The following DIAPH2 variants were observed in gnomAD, a reference collection of about 807,000 sequenced individuals.
The protein encoded by DIAPH2 is protein diaphanous homolog 2.
A neutral mutation model predicts 92.7 loss-of-function variants in DIAPH2; 35 were observed. That is an observed-to-expected ratio of 0.38 (90% confidence interval 0.29 to 0.50). DIAPH2 has a LOEUF of 0.50. Among genes scored for constraint, DIAPH2 ranks in the 20% least tolerant of loss-of-function variants. The pLI, the probability that DIAPH2 is intolerant of heterozygous loss-of-function variation, is 0.94. For synonymous variants in DIAPH2, 301 were observed against 280.4 expected, an observed-to-expected ratio of 1.07 and a Z score of -0.73; for missense variants, 701 against 819.5, an observed-to-expected ratio of 0.86 and a Z score of 1.77.
intron 21 of DIAPH2, among the ~76,000 whole-genome samples, chrX:97,115,883 G>A (rs773212750): frequency 9.0e-6 from 1 of 111,708 alleles, no homozygotes; most frequent in Non-Finnish European, 1.9e-5. Flanking sequence ...TTAGGCTAGA[G>A]CAAACCACCT....
chrX:97,439,537 T>A (rs1602590675), intron 26 of DIAPH2, among the ~76,000 whole-genome samples: 1 of 107,725 alleles, frequency 9.3e-6, no homozygotes, highest in Admixed American at 1.0e-4. Flanking sequence ...GCCATTGCAC[T>A]CCAGCCTGAG....
intron 17 of DIAPH2, among the ~76,000 whole-genome samples, chrX:97,047,248 A>T (rs773524403): frequency 9.0e-6 from 1 of 111,176 alleles, no homozygotes; most frequent in African/African-American, 3.3e-5. Context: ...TACTTTATAG[A>T]ACGATGACTG....
Position 97,599,295 on chromosome X carries a change from A to G in DIAPH2, c.3284A>G (p.Asn1095Ser), listed in dbSNP as rs1040485800. ...VPLERSRSRH[N>S]GAISSK The stretch of plus-strand genomic sequence containing the variant: ...TTGGAAAGGTCACGCTCTCGCCACA[A>G]TGGAGCTATCTCATCTAAGTGATTC... Residue 1095 changes from asparagine (N) to serine (S), a missense_variant, in exon 27 of 27, where the codon AAT becomes AGT. Coordinates refer to ENST00000324765, the MANE Select transcript of DIAPH2 (RefSeq NM_006729.5). The G allele has an allele frequency of 5.0e-6, 6 of 1,191,309 alleles. No individual in the cohort carries two copies. The highest frequency in any genetic ancestry group is 2.2e-5 in the Admixed American group (1 of 45,428).
chrX:97,292,703 T>C (rs2068604085), intron 23 of DIAPH2, among the ~76,000 whole-genome samples: 2 of 110,231 alleles, frequency 1.8e-5, no homozygotes, highest in South Asian at 4.0e-4. Context: ...TGTGCCACCA[T>C]GCCCGGCTAA....
At chrX:96,933,542 A>G (rs1025336170) in intron 10 of DIAPH2, among the ~76,000 whole-genome samples, 1 of 103,337 alleles carries the variant, frequency 9.7e-6, no homozygotes, top group African/African-American at 3.5e-5. Flanking sequence ...ATATATGTGT[A>G]TATATATATG....
intron 23 of DIAPH2, among the ~76,000 whole-genome samples, chrX:97,339,223 G>T (rs1483376336): frequency 2.7e-5 from 3 of 111,308 alleles, no homozygotes; most frequent in African/African-American, 9.8e-5. Context: ...AGATAAAAAT[G>T]CTTTGTGGGC....
chrX:97,268,414 TTG>T (rs1306099068), intron 23 of DIAPH2, among the ~76,000 whole-genome samples: 1 of 112,917 alleles, frequency 8.9e-6, no homozygotes, highest in Non-Finnish European at 1.9e-5. Flanking sequence ...TGAAGAAGAC[TTG>T]TGTCATCACA....
At chrX:96,958,176 T>A (rs1233008941) in intron 16 of DIAPH2, 28 bp downstream of exon 16, 1 of 1,191,203 alleles carries the variant, frequency 8.4e-7, no homozygotes, top group Non-Finnish European at 1.1e-6. Flanking sequence ...GTTTTTTTAC[T>A]TTGTCTAGCT....
chrX:96,741,602 A>C (rs1019630798), intron 3 of DIAPH2, among the ~76,000 whole-genome samples: 6 of 108,912 alleles, frequency 5.5e-5, no homozygotes, highest in African/African-American at 2.0e-4. Flanking sequence ...TAACCTCCCA[A>C]GTAACTGGGA....
intron 22 of DIAPH2, among the ~76,000 whole-genome samples, chrX:97,178,365 T>C (rs2067510189): frequency 1.8e-5 from 2 of 110,694 alleles, no homozygotes; most frequent in Admixed American, 1.9e-4. Context: ...TTATTACTAA[T>C]TTTTAAAGAC....
At chrX:97,370,584 A>G (rs2069438529) in intron 24 of DIAPH2, among the ~76,000 whole-genome samples, 2 of 112,090 alleles carry the variant, frequency 1.8e-5, no homozygotes, top group Non-Finnish European at 3.8e-5. Flanking sequence ...ATTGAAGGAT[A>G]ATGATATTAC....
chrX:97,037,647 A>T (rs1044367113), intron 17 of DIAPH2, among the ~76,000 whole-genome samples: 18 of 111,596 alleles, frequency 1.6e-4, no homozygotes, highest in African/African-American at 3.6e-4. Context: ...TCTTTCAGTG[A>T]TGGTTTCCCT....
intron 17 of DIAPH2, among the ~76,000 whole-genome samples, chrX:97,056,035 C>G (rs2066554946): frequency 9.0e-6 from 1 of 111,085 alleles, no homozygotes; most frequent in Admixed American, 9.6e-5. Flanking sequence ...GAATAGTGCT[C>G]TTATTTTTCT....
At chrX:96,968,550 T>C in intron 17 of DIAPH2, among the ~76,000 whole-genome samples, 1 of 112,030 alleles carries the variant, frequency 8.9e-6, no homozygotes. Context: ...TGTCTGTTCA[T>C]GTTCTTTGCC....
intron 4 of DIAPH2, among the ~76,000 whole-genome samples, chrX:96,816,043 T>G (rs1368760028): frequency 8.9e-6 from 1 of 111,908 alleles, no homozygotes; most frequent in Non-Finnish European, 1.9e-5. Flanking sequence ...TTTTGATGAG[T>G]TTGACTACTT....
At chrX:96,844,731 A>G (rs192145357) in intron 4 of DIAPH2, among the ~76,000 whole-genome samples, 16 of 111,621 alleles carry the variant, frequency 1.4e-4, no homozygotes, top group African/African-American at 4.5e-4. Context: ...GAGTCTAGAA[A>G]ATTTATATTC....
At chrX:97,295,483 T>A (rs1277657059) in intron 23 of DIAPH2, among the ~76,000 whole-genome samples, 1 of 111,705 alleles carries the variant, frequency 9.0e-6, no homozygotes, top group Non-Finnish European at 1.9e-5. Flanking sequence ...AGTGATTCTA[T>A]AAAAATAATC....
chrX:96,910,101 A>C (rs1254480496), intron 5 of DIAPH2, among the ~76,000 whole-genome samples: 1 of 111,204 alleles, frequency 9.0e-6, no homozygotes, highest in Non-Finnish European at 1.9e-5. Flanking sequence ...TGCAGGGTAC[A>C]GTGTGCTGTA....
chrX:97,306,933 C>T (rs2068752015), intron 23 of DIAPH2, among the ~76,000 whole-genome samples: 1 of 112,118 alleles, frequency 8.9e-6, no homozygotes, highest in East Asian at 2.8e-4. Flanking sequence ...GTGGGAAACT[C>T]TGAAAGGTAA....
Sources: gnomAD v4.1 joint callset for allele counts (sites outside exome capture counted in the v4.1 genomes callset) on GRCh38, gnomAD v4.1.1 for gene constraint, MANE v1.5 for transcripts, NCBI Gene and HGNC (gene_info 2026-07-23, HGNC 2026-07-21) for gene names.